Variants in MYO5C observed in about 807,000 individuals in gnomAD.
MYO5C encodes the protein unconventional myosin-Vc.
In MYO5C, 194 loss-of-function variants were observed where a neutral mutation model predicts 235.7. The observed-to-expected ratio is 0.82, with a 90% CI of 0.73 to 0.93. The LOEUF (loss-of-function observed/expected upper bound fraction) is 0.93, where lower values mean the gene tolerates loss of function less well. Among genes scored for constraint, MYO5C ranks in the 40% least tolerant of loss-of-function variants. The pLI is 0.00. For missense variants in MYO5C, 2,038 were observed against 2,127.2 expected (o/e 0.96, Z 0.82); for synonymous variants, 707 against 754.8 (o/e 0.94, Z 1.04).
chr15:52,230,752 T>TTTA (rs140001714), intron 24 of MYO5C, among the ~76,000 whole-genome samples: 1 of 148,552 alleles, frequency 6.7e-6, no homozygotes, highest in African/African-American at 2.5e-5. Flanking sequence ...CCAGGTTTTT[T>TTTA]AAAAAAAAAC....
At position 52,211,826 on chromosome 15, in the gene MYO5C, C is replaced by A; in HGVS notation, c.4200G>T (p.Leu1400=). 2 of 1,614,176 alleles carry A rather than the reference C, an allele frequency of 1.2e-6. No homozygotes were observed. Among genetic ancestry groups the A allele is most frequent in the Non-Finnish European group, 1.7e-6 (2 of 1,180,014 alleles). ...AGTCTGCGTAGCGCACACACATGAA[C>A]AGGATATGAGCCGGCAGCCCGGGGA... ...NMIPGLPAHI[L]FMCVRYADSL... is the part of the protein sequence containing the mutation. The change falls in exon 35 of 41, where the codon CTG becomes CTT. Residue 1400 remains leucine, a synonymous_variant. Transcript: ENST00000261839.
At chr15:52,289,703 C>A (rs887437963) in intron 1 of MYO5C, among the ~76,000 whole-genome samples, 1 of 152,070 alleles carries the variant, frequency 6.6e-6, no homozygotes, top group African/African-American at 2.4e-5. Context: ...CAGACAGACT[C>A]TCTCATCCGT....
chr15:52,261,254 C>T (rs916821383), intron 9 of MYO5C, 127 bp from the exon 10 acceptor site: 99 of 1,142,702 alleles, frequency 8.7e-5, no homozygotes, highest in Admixed American at 4.0e-4. Context: ...GGCACAAGGA[C>T]GCCCAGCCTC....
intron 30 of MYO5C, 39 bp downstream of exon 30, chr15:52,221,123 A>C (rs2035672011): frequency 6.6e-7 from 1 of 1,509,076 alleles, no homozygotes; most frequent in Admixed American, 1.8e-5. Context: ...GGTACAGGAA[A>C]CCGTTTTCTA....
intron 2 of MYO5C, among the ~76,000 whole-genome samples, 158 bp downstream of exon 2, chr15:52,282,624 G>A (rs2037182211): frequency 6.6e-6 from 1 of 152,206 alleles, no homozygotes; most frequent in South Asian, 2.1e-4. Flanking sequence ...ACACATCAGT[G>A]AGTCCCGGCA....
intron 10 of MYO5C, among the ~76,000 whole-genome samples, chr15:52,258,641 C>T (rs865986540): frequency 2.0e-5 from 3 of 152,128 alleles, no homozygotes; most frequent in African/African-American, 7.2e-5. Context: ...AGCCTAGAAG[C>T]GAGGCTGCTG....
At chr15:52,279,418 G>A in intron 3 of MYO5C, 91 bp downstream of exon 3, 1 of 1,329,100 alleles carries the variant, frequency 7.5e-7, no homozygotes, top group Non-Finnish European at 1.0e-6. Flanking sequence ...AACTCTGGGT[G>A]CTCAGTATAA....
chr15:52,248,177 T>C (rs753296721), intron 14 of MYO5C, among the ~76,000 whole-genome samples: 2 of 152,216 alleles, frequency 1.3e-5, no homozygotes, highest in Non-Finnish European at 2.9e-5. Flanking sequence ...GGTCTTGCTC[T>C]GCTGCCCAGA....
At chr15:52,221,789 C>T (rs2035694571) in intron 29 of MYO5C, among the ~76,000 whole-genome samples, 1 of 152,082 alleles carries the variant, frequency 6.6e-6, no homozygotes, top group South Asian at 2.1e-4. Flanking sequence ...TTTTTTCCTT[C>T]CCCAAGTTTA....
At chr15:52,228,224 A>G (rs1596163624) in intron 25 of MYO5C, among the ~76,000 whole-genome samples, 1 of 151,976 alleles carries the variant, frequency 6.6e-6, no homozygotes, top group Non-Finnish European at 1.5e-5. Context: ...GCTCACTGCA[A>G]CCTCCGCCTC....
chr15:52,235,568 G>A (rs1313054717), intron 23 of MYO5C, 102 bp downstream of exon 23: 19 of 843,748 alleles, frequency 2.3e-5, no homozygotes, highest in Non-Finnish European at 3.3e-5. Context: ...ACTAAACTAA[G>A]TGTACACCAG....
chr15:52,278,388 G>C lies in MYO5C; in HGVS notation c.449+485C>G, dbSNP rs748741539. On this transcript the variant is annotated intron_variant, in intron 4 of 40. Transcript: ENST00000261839. Reference sequence around the variant, plus strand: ...GTGCACGGTGCCTCATTCACAGGAGGCTTTTCATACATGTGCACTAGTGAA... The same window carrying C: ...GTGCACGGTGCCTCATTCACAGGAGCCTTTTCATACATGTGCACTAGTGAA... 6.7e-4 allele frequency among the ~76,000 whole-genome samples: 102 copies of C among 152,204 alleles called. 1 individual carries two copies. The highest frequency in any genetic ancestry group is 3.1e-3 in the South Asian group (15 of 4,824).
At chr15:52,279,803 A>T in intron 2 of MYO5C, 129 bp from the exon 3 acceptor site, 2 of 865,744 alleles carry the variant, frequency 2.3e-6, no homozygotes, top group Non-Finnish European at 3.4e-6. Context: ...AAATGTACTT[A>T]TAGCAACAAG....
intron 28 of MYO5C, 132 bp from the exon 29 acceptor site, chr15:52,223,856 T>G (rs1448938279): frequency 4.3e-6 from 3 of 693,408 alleles, no homozygotes; most frequent in Non-Finnish European, 4.5e-6. Flanking sequence ...GCACTCACGG[T>G]TACAGGCTAC....
intron 10 of MYO5C, among the ~76,000 whole-genome samples, chr15:52,259,419 CAA>C (rs11388485): frequency 1.6e-5 from 2 of 127,396 alleles, no homozygotes; most frequent in Non-Finnish European, 1.6e-5. Flanking sequence ...GACTCCGTCT[CAA>C]AAAAAAAAAA....
rs140494872 is a variant in MYO5C, at chr15:52,270,704, A to G, written c.833-844T>C. ...TATGTATACACATGTATGTGTATATATATACACATACATCTAATGTTTAAA... is the reference window on the plus strand; with the variant it reads ...TATGTATACACATGTATGTGTATATGTATACACATACATCTAATGTTTAAA... On this transcript the variant is annotated intron_variant, in intron 7 of 40. Coordinates refer to ENST00000261839, the MANE Select transcript of MYO5C (RefSeq NM_018728.4). Among the ~76,000 whole-genome samples, 364 of 147,686 alleles carry G rather than the reference A, an allele frequency of 2.5e-3. 2 individuals are homozygous for G. The highest frequency in any genetic ancestry group is 8.4e-3 in the African/African-American group (345 of 41,042).
At chr15:52,275,420 C>G in intron 5 of MYO5C, 142 bp downstream of exon 5, 1 of 985,664 alleles carries the variant, frequency 1.0e-6, no homozygotes, top group Non-Finnish European at 1.5e-6. Flanking sequence ...ATCCCACCAG[C>G]AAATAGGCTT....
At chr15:52,244,206 C>G in intron 19 of MYO5C, 150 bp downstream of exon 19, 1 of 691,588 alleles carries the variant, frequency 1.4e-6, no homozygotes, top group Non-Finnish European at 2.4e-6. Flanking sequence ...CTTTCTTGCC[C>G]TAATGCTCAC....
intron 38 of MYO5C, among the ~76,000 whole-genome samples, chr15:52,201,113 G>A (rs1251770311): frequency 1.3e-5 from 2 of 152,194 alleles, no homozygotes; most frequent in Non-Finnish European, 2.9e-5. Context: ...AGAGTATGAT[G>A]CAGACAAAAT....
Sources: gnomAD v4.1 joint callset for allele counts (sites outside exome capture counted in the v4.1 genomes callset) on GRCh38, gnomAD v4.1.1 for gene constraint, MANE v1.5 for transcripts, NCBI Gene and HGNC (gene_info 2026-07-23, HGNC 2026-07-21) for gene names.